Variants in SLC52A3 observed in about 807,000 individuals in gnomAD.
SLC52A3 encodes the protein solute carrier family 52, riboflavin transporter, member 3.
A neutral mutation model predicts 29.5 loss-of-function variants in SLC52A3; 20 were observed. That is an observed-to-expected ratio of 0.68 (90% CI 0.48 to 0.99). The LOEUF is 0.99. SLC52A3 is among the 50% of genes least tolerant of loss of function. The probability of loss-of-function intolerance (pLI) is 0.00; values close to 1 mark genes in which losing one functional copy is unlikely to be tolerated. For missense variants in SLC52A3, 548 were observed against 612.9 expected, an observed-to-expected ratio of 0.89 and a Z score of 1.12; for synonymous variants, 301 against 271.0, an observed-to-expected ratio of 1.11 and a Z score of -1.09.
At chr20:774,068 G>A (rs987700348) in intron 1 of SLC52A3, among the ~76,000 whole-genome samples, 3 of 152,316 alleles carry the variant, frequency 2.0e-5, no homozygotes, top group African/African-American at 4.8e-5. Flanking sequence ...CCATGTGAGC[G>A]GGGGCTTGTC....
At chr20:774,480 A>AGGGAGAGAT (rs1986951119) in intron 1 of SLC52A3, among the ~76,000 whole-genome samples, 1 of 152,188 alleles carries the variant, frequency 6.6e-6, no homozygotes, top group East Asian at 1.9e-4. Flanking sequence ...CAAAACCCAC[A>AGGGAGAGAT]GGGAGAGATG....
chr20:769,560 A>G (rs16993064), upstream of SLC52A3, among the ~76,000 whole-genome samples: 26,569 of 152,266 alleles, frequency 0.17, 2,472 homozygotes, highest in African/African-American at 0.23. Context: ...AACCATCATT[A>G]TAAGATTACT....
intron 1 of SLC52A3, among the ~76,000 whole-genome samples, chr20:766,698 C>T (rs553338385): frequency 6.6e-6 from 1 of 152,242 alleles, no homozygotes; most frequent in South Asian, 2.1e-4. Context: ...CGCTGACTCT[C>T]TTTTCGGACT....
intron 2 of SLC52A3, among the ~76,000 whole-genome samples, chr20:764,918 A>G (rs1018066894): frequency 3.9e-5 from 6 of 152,012 alleles, no homozygotes; most frequent in Non-Finnish European, 8.8e-5. Flanking sequence ...CTCTCCCATA[A>G]TTTGTCTCCA....
intron 2 of SLC52A3, among the ~76,000 whole-genome samples, chr20:764,270 A>T (rs1986598069): frequency 6.6e-6 from 1 of 152,178 alleles, no homozygotes; most frequent in Admixed American, 6.5e-5. Flanking sequence ...GAGGTATCAG[A>T]ATGCTTCGTC....
chr20:773,194 G>T (rs1017506811), upstream of SLC52A3, among the ~76,000 whole-genome samples: 1 of 152,150 alleles, frequency 6.6e-6, no homozygotes, highest in Non-Finnish European at 1.5e-5. Context: ...GTAAACCTTC[G>T]GAGGGTTAGG....
upstream of SLC52A3, among the ~76,000 whole-genome samples, chr20:779,361 C>A (rs113965564): frequency 6.6e-6 from 1 of 152,302 alleles, no homozygotes; most frequent in African/African-American, 2.4e-5. Flanking sequence ...GTGGCTCACG[C>A]CTGTAATCCC....
At chr20:773,854 G>A (rs1306004835) in intron 1 of SLC52A3, among the ~76,000 whole-genome samples, 4 of 152,160 alleles carry the variant, frequency 2.6e-5, no homozygotes, top group East Asian at 3.9e-4. Context: ...TCTGACCAGG[G>A]CCAGTGCACC....
At chr20:779,290 T>C (rs1987149678), upstream of SLC52A3, among the ~76,000 whole-genome samples, 1 of 152,210 alleles carries the variant, frequency 6.6e-6, no homozygotes, top group Admixed American at 6.5e-5. Flanking sequence ...AAAAATTTTA[T>C]AAAAGGGAAT....
Position 761,063 on chromosome 20 carries a change from G to A in SLC52A3, c.1373C>T (p.Ser458Leu). The change falls in exon 5 of 5, where the codon TCG (serine) becomes TTG (leucine). Residue 458 changes from serine (S) to leucine (L), a missense_variant. Physicochemically the swap from Ser to Leu is moderately radical, Grantham distance 145 (BLOSUM62 -2). Transcript: ENST00000645534. ...FPLVNVLRLF[S>L]SADFCNLHCP... ...GTGCAGATTGCAGAAGTCCGCGGAC[G>A]AGAAGAGCCGCAGCACGTTGACCAG... is the stretch of plus-strand genomic sequence containing the variant. 1.2e-6 allele frequency: 2 copies of A among 1,609,846 alleles called. No homozygotes were observed. The highest frequency in any genetic ancestry group is 1.7e-6 in the Non-Finnish European group (2 of 1,178,690).
upstream of SLC52A3, among the ~76,000 whole-genome samples, chr20:768,953 T>C (rs910342290): frequency 6.6e-6 from 1 of 152,228 alleles, no homozygotes; most frequent in Non-Finnish European, 1.5e-5. Flanking sequence ...CCAGGAGACC[T>C]CTGGCTGCCT....
rs1462694166 is a variant in SLC52A3 at position 761,097 on chromosome 20, TGAGCAGCGCTCC to T, written c.1327_1338del (p.Gly443_Leu446del). ...CGCAGCACGTTGACCAGAGGGAACA[TGAGCAGCGCTCC>T]GAGCAGCGAGCCCAGCTGCACCGCC... On this transcript the variant is annotated inframe_deletion, in exon 5 of 5. Coordinates refer to ENST00000645534, the MANE Select transcript of SLC52A3 (RefSeq NM_033409.4). 6 of 1,608,098 alleles carry T rather than the reference TGAGCAGCGCTCC, an allele frequency of 3.7e-6. No individual in the cohort carries two copies. Among genetic ancestry groups the T allele is most frequent in the Non-Finnish European group, 5.1e-6 (6 of 1,177,986 alleles).
chr20:762,630 T>C (rs1986529446), intron 3 of SLC52A3, among the ~76,000 whole-genome samples: 1 of 152,238 alleles, frequency 6.6e-6, no homozygotes, highest in South Asian at 2.1e-4. Flanking sequence ...AATTCTAACA[T>C]TTGGGGTTTC....
upstream of SLC52A3, among the ~76,000 whole-genome samples, chr20:776,284 A>G (rs1462577210): frequency 2.0e-5 from 3 of 152,208 alleles, no homozygotes; most frequent in South Asian, 2.1e-4. Context: ...CCTTTCACAC[A>G]GGAAGAGAGT....
At position 763,615 on chromosome 20, in the gene SLC52A3, G is replaced by A. The variant is rs760533974; in HGVS notation, c.956C>T (p.Pro319Leu). 1 of 1,614,206 alleles carries A rather than the reference G, an allele frequency of 6.2e-7. No homozygotes were observed. Among genetic ancestry groups the A allele is most frequent in the Non-Finnish European group, 8.5e-7 (1 of 1,180,036 alleles). The change falls in exon 3 of 5, where the codon CCC (proline) becomes CTC (leucine). Residue 319 changes from proline to leucine, a missense_variant. Pro to Leu is a moderately conservative substitution (Grantham distance 98, BLOSUM62 -3). Around this residue, in one of 2 missense-constraint regions of SLC52A3, gnomAD observed 375 missense variants for 471.1 expected, o/e 0.80. Transcript: ENST00000645534. ...FVNALTNGML[P>L]SVQTYSCLSY... is the part of the protein sequence containing the mutation. ...CAGGCAGGAGTAGGTCTGCACAGAG[G>A]GCAGCATGCCGTTGGTGAGCGCGTT...
upstream of SLC52A3, among the ~76,000 whole-genome samples, chr20:778,800 G>A (rs182835075): frequency 1.1e-3 from 159 of 150,876 alleles, no homozygotes; most frequent in African/African-American, 3.7e-3. Context: ...GGCTGGTCTC[G>A]AACTCCTGAC....
In SLC52A3 at chr20:765,766, G is replaced by A. The variant is rs139486822; in HGVS notation, c.9C>T (p.Phe3=). 16,045 of 1,600,526 alleles carry A rather than the reference G, an allele frequency of 0.01. 121 individuals carry two copies. Among genetic ancestry groups the A allele is most frequent in the Non-Finnish European group, 0.012 (14,210 of 1,174,898 alleles). MA[F]LMHLLVCVFG... ...AGACGCAGACCAGCAGGTGCATCAG[G>A]AAGGCCATGGCGGTATCTGCCCTGG... is the stretch of plus-strand genomic sequence containing the variant. The change falls in exon 2 of 5, where the codon TTC becomes TTT. Residue 3 remains phenylalanine (F), a synonymous_variant. Coordinates refer to ENST00000645534, the MANE Select transcript of SLC52A3 (RefSeq NM_033409.4). The surrounding 1 kb of genome is among the most constrained non-coding windows in gnomAD (Gnocchi z 6.6).
intron 3 of SLC52A3, among the ~76,000 whole-genome samples, chr20:762,829 C>T (rs757266482): frequency 9.2e-5 from 14 of 152,156 alleles, no homozygotes; most frequent in Non-Finnish European, 1.3e-4. Flanking sequence ...GGCAGGCCAG[C>T]GTGGATACGA....
upstream of SLC52A3, among the ~76,000 whole-genome samples, chr20:779,075 C>G (rs971096892): frequency 6.6e-6 from 1 of 152,062 alleles, no homozygotes; most frequent in South Asian, 2.1e-4. Flanking sequence ...AATCCTGTGG[C>G]CTTAGGAAGT....
Sources: gnomAD v4.1 joint callset for allele counts (sites outside exome capture counted in the v4.1 genomes callset) on GRCh38, gnomAD v4.1.1 for gene constraint, gnomAD v4.1.1 regional missense constraint, Gnocchi (gnomAD v3.1) non-coding constraint, MANE v1.5 for transcripts, NCBI Gene and HGNC (gene_info 2026-07-23, HGNC 2026-07-21) for gene names.